ACKR2: variants seen among roughly 807,000 people sequenced by gnomAD.
ACKR2 encodes the protein atypical chemokine receptor 2.
For missense variants in ACKR2, 457 were observed against 477.3 expected (o/e 0.96, Z 0.40); for synonymous variants, 207 against 192.2 (o/e 1.08, Z -0.64).
At chr3:42,811,798 A>G (rs1700698109) in intron 1 of ACKR2, among the ~76,000 whole-genome samples, 1 of 152,170 alleles carries the variant, frequency 6.6e-6, no homozygotes, top group Admixed American at 6.5e-5. Context: ...GCTGGCAGCA[A>G]TGCTGCTCTG....
At chr3:42,862,993 C>A (rs188495968) in intron 2 of ACKR2, among the ~76,000 whole-genome samples, 275 of 152,200 alleles carry the variant, frequency 1.8e-3, no homozygotes, top group African/African-American at 6.3e-3. Flanking sequence ...GCAACAAAAG[C>A]CAAAATTGAC....
At chr3:42,816,129 G>GT (rs919882160) in intron 1 of ACKR2, among the ~76,000 whole-genome samples, 6 of 151,684 alleles carry the variant, frequency 4.0e-5, no homozygotes, top group African/African-American at 1.5e-4. Context: ...CATTCTGTGG[G>GT]TTTTTTTGTG....
intron 2 of ACKR2, among the ~76,000 whole-genome samples, chr3:42,820,565 C>A (rs1051842795): frequency 2.0e-5 from 3 of 149,404 alleles, no homozygotes; most frequent in African/African-American, 7.4e-5. Flanking sequence ...TGCACTCCAG[C>A]CTGGGCAACA....
Position 42,865,448 on chromosome 3 carries a change from A to C in ACKR2, c.946A>C (p.Ser316Arg), listed in dbSNP as rs765678623. ...CFSPILYAFSSHRFRQYLKAF... is the reference protein window; with the variant it reads ...CFSPILYAFSRHRFRQYLKAF... Reference sequence around the variant, plus strand: ...TTCCCCCATCCTGTATGCCTTCTCCAGTCACCGCTTCCGCCAGTACCTGAA... The same window carrying C: ...TTCCCCCATCCTGTATGCCTTCTCCCGTCACCGCTTCCGCCAGTACCTGAA... The change falls in exon 3 of 3, where the codon AGT (serine) becomes CGT (arginine). Residue 316 changes from serine to arginine, a missense_variant. Coordinates refer to ENST00000422265, the MANE Select transcript of ACKR2 (RefSeq NM_001296.5). 6.2e-7 allele frequency: 1 copy of C among 1,614,014 alleles called. No homozygotes were observed.
At chr3:42,835,761 ATCT>A (rs1173843126) in intron 2 of ACKR2, 2 of 152,134 alleles carry the variant, frequency 1.3e-5, no homozygotes, top group South Asian at 4.1e-4. Context: ...TGCATTAAAG[ATCT>A]TCTCTTTGCC....
chr3:42,850,918 A>G (rs1575388720), intron 2 of ACKR2: 1 of 152,502 alleles, frequency 6.6e-6, no homozygotes. Flanking sequence ...TGTAGCAGAC[A>G]CAGCCCTGCT....
In ACKR2 at chr3:42,861,086, A is replaced by G. The variant is rs2088380154; in HGVS notation, c.-37-3380A>G. 1.3e-5 allele frequency among the ~76,000 whole-genome samples: 2 copies of G among 152,176 alleles called. 1 individual carries two copies. The highest frequency in any genetic ancestry group is 2.9e-5 in the Non-Finnish European group (2 of 68,026). ...AATGAATCCAGGAGCTGGTTTTTTG[A>G]AAAGATCAACAAAATAGATAGACCA... On this transcript the variant is annotated intron_variant, in intron 2 of 2. Transcript: ENST00000422265.
intron 1 of ACKR2, among the ~76,000 whole-genome samples, chr3:42,817,573 C>T (rs1267691142): frequency 3.3e-5 from 5 of 152,160 alleles, no homozygotes; most frequent in Non-Finnish European, 7.3e-5. Flanking sequence ...AGCCTCTCCT[C>T]GCCCCTGCAT....
intron 2 of ACKR2, among the ~76,000 whole-genome samples, chr3:42,830,765 T>C (rs1700923944): frequency 6.6e-6 from 1 of 152,008 alleles, no homozygotes; most frequent in Non-Finnish European, 1.5e-5. Flanking sequence ...GGGTGTTGGT[T>C]GGACTGTGTG....
intron 2 of ACKR2, among the ~76,000 whole-genome samples, chr3:42,842,607 A>G (rs1041292558): frequency 1.3e-5 from 2 of 152,348 alleles, no homozygotes; most frequent in East Asian, 3.9e-4. Flanking sequence ...GGAAAAGCCC[A>G]GAAATTCTGT....
At chr3:42,812,338 C>CTTT in intron 1 of ACKR2, among the ~76,000 whole-genome samples, 2 of 152,252 alleles carry the variant, frequency 1.3e-5, no homozygotes, top group African/African-American at 4.8e-5. Context: ...TCTAATATTG[C>CTTT]TTTATGAGAG....
At chr3:42,853,010 C>T (rs543125452) in intron 2 of ACKR2, among the ~76,000 whole-genome samples, 4 of 152,194 alleles carry the variant, frequency 2.6e-5, no homozygotes, top group Admixed American at 6.5e-5. Context: ...CACCCCTTCA[C>T]GAGGGAGCCA....
At chr3:42,819,815 A>G (rs1700791780) in intron 2 of ACKR2, 104 bp downstream of exon 2, 1 of 152,218 alleles carries the variant, frequency 6.6e-6, no homozygotes, top group African/African-American at 2.4e-5. Context: ...CCTCCTGCTC[A>G]CCCACCATTT....
intron 2 of ACKR2, among the ~76,000 whole-genome samples, chr3:42,850,644 T>C (rs534265850): frequency 5.1e-4 from 78 of 152,290 alleles, no homozygotes; most frequent in African/African-American, 1.9e-3. Context: ...CAGACCCTCA[T>C]ACTGCTAAGC....
chr3:42,857,681 A>G (rs965915283), intron 2 of ACKR2, among the ~76,000 whole-genome samples: 3 of 152,244 alleles, frequency 2.0e-5, no homozygotes, highest in African/African-American at 7.2e-5. Context: ...AATGTTTAAA[A>G]TATTAAATAT....
At chr3:42,856,393 C>G (rs1162084291) in intron 2 of ACKR2, 3 of 702,750 alleles carry the variant, frequency 4.3e-6, no homozygotes, top group South Asian at 1.5e-5. Context: ...CTGAATAGTT[C>G]CATCAGCCAT....
At chr3:42,816,718 G>A (rs1256668743) in intron 1 of ACKR2, among the ~76,000 whole-genome samples, 1 of 151,892 alleles carries the variant, frequency 6.6e-6, no homozygotes, top group Non-Finnish European at 1.5e-5. Context: ...CACCACACCT[G>A]GCTATTTTTT....
rs1285770098 is a variant in ACKR2, at chr3:42,865,432, C to G, written c.930C>G (p.Ile310Met). 6.2e-7 allele frequency: 1 copy of G among 1,614,214 alleles called. No individual in the cohort carries two copies. The highest frequency in any genetic ancestry group is 2.2e-5 in the East Asian group (1 of 44,878). The stretch of plus-strand genomic sequence containing the variant: ...TCCTTCACTGCTGCTTTTCCCCCAT[C>G]CTGTATGCCTTCTCCAGTCACCGCT... ...IAFLHCCFSP[I>M]LYAFSSHRFR... is the part of the protein sequence containing the mutation. The change falls in exon 3 of 3, where the codon ATC (isoleucine) becomes ATG (methionine). Residue 310 changes from isoleucine (I) to methionine (M), a missense_variant. Transcript: ENST00000422265.
intron 2 of ACKR2, among the ~76,000 whole-genome samples, chr3:42,822,063 A>G (rs1387073706): frequency 6.6e-6 from 1 of 152,102 alleles, no homozygotes; most frequent in Non-Finnish European, 1.5e-5. Context: ...TTGTTTTGAA[A>G]TACATATATG....
Sources: allele counts gnomAD v4.1 joint callset (sites outside exome capture counted in the v4.1 genomes callset), GRCh38; gene constraint gnomAD v4.1.1; transcripts MANE v1.5; gene names NCBI Gene and HGNC (gene_info 2026-07-23, HGNC 2026-07-21).